PDGFC: variants seen among roughly 807,000 people sequenced by gnomAD.
PDGFC encodes the protein platelet-derived growth factor C.
PDGFC carries 12 observed loss-of-function variants against 35.5 expected under a neutral mutation model. The observed-to-expected ratio is 0.34, with a 90% CI of 0.22 to 0.55. The LOEUF (loss-of-function observed/expected upper bound fraction) is 0.55, where lower values mean the gene tolerates loss of function less well. PDGFC is among the 20% of genes least tolerant of loss of function. The probability of loss-of-function intolerance (pLI) is 0.91; values close to 1 mark genes in which losing one functional copy is unlikely to be tolerated. For synonymous variants in PDGFC, 159 were observed against 148.8 expected, an observed-to-expected ratio of 1.07 and a Z score of -0.50; for missense variants, 322 against 412.4, an observed-to-expected ratio of 0.78 and a Z score of 1.90.
At chr4:156,823,242 G>C (rs1180270076) in intron 2 of PDGFC, among the ~76,000 whole-genome samples, 1 of 151,978 alleles carries the variant, frequency 6.6e-6, no homozygotes, top group Non-Finnish European at 1.5e-5. Flanking sequence ...CTGTCTCTGA[G>C]TTTAAAAATA....
At chr4:156,939,779 T>G (rs1277613633) in intron 1 of PDGFC, among the ~76,000 whole-genome samples, 1 of 152,114 alleles carries the variant, frequency 6.6e-6, no homozygotes, top group East Asian at 1.9e-4. Context: ...CCTTAAATAT[T>G]ACCCAGATAA....
At chr4:156,809,065 T>A (rs1213959495) in intron 3 of PDGFC, among the ~76,000 whole-genome samples, 3 of 152,006 alleles carry the variant, frequency 2.0e-5, no homozygotes. Context: ...CATAGTTTAA[T>A]TACAAGAACT....
At chr4:156,871,139 C>T (rs1729973013) in intron 1 of PDGFC, among the ~76,000 whole-genome samples, 1 of 152,030 alleles carries the variant, frequency 6.6e-6, no homozygotes, top group Non-Finnish European at 1.5e-5. Flanking sequence ...TTTATAGGAG[C>T]AGCTGCAACT....
chr4:156,876,058 G>C (rs555465745), intron 1 of PDGFC, among the ~76,000 whole-genome samples: 1 of 152,256 alleles, frequency 6.6e-6, no homozygotes, highest in East Asian at 1.9e-4. Context: ...AAGAAAACAT[G>C]AGTTGGAACA....
At chr4:156,953,648 A>C (rs540714275) in intron 1 of PDGFC, among the ~76,000 whole-genome samples, 1 of 152,148 alleles carries the variant, frequency 6.6e-6, no homozygotes, top group East Asian at 1.9e-4. Context: ...TAATACTTTC[A>C]AAGTTTCTAT....
intron 1 of PDGFC, among the ~76,000 whole-genome samples, chr4:156,962,760 C>T (rs1732372060): frequency 1.3e-5 from 2 of 152,088 alleles, no homozygotes; most frequent in African/African-American, 4.8e-5. Context: ...GCCAGTGAAG[C>T]CCTGGTGTTT....
At chr4:156,923,724 ACT>A (rs1459901909) in intron 1 of PDGFC, among the ~76,000 whole-genome samples, 19 of 152,316 alleles carry the variant, frequency 1.2e-4, no homozygotes, top group African/African-American at 4.6e-4. Flanking sequence ...CAACAGGTAA[ACT>A]CACACACCAA....
chr4:156,814,977 G>T (rs558550500), intron 2 of PDGFC, among the ~76,000 whole-genome samples: 2 of 152,142 alleles, frequency 1.3e-5, no homozygotes, highest in Admixed American at 6.5e-5. Flanking sequence ...AAAATTTCTG[G>T]ATTTGCAGCG....
chr4:156,768,442 C>A (rs1031016421), intron 4 of PDGFC, among the ~76,000 whole-genome samples: 7 of 151,778 alleles, frequency 4.6e-5, no homozygotes, highest in Non-Finnish European at 8.8e-5. Context: ...TAGTGAAGAA[C>A]AATTTATTGA....
At chr4:156,946,135 G>T (rs1731941581) in intron 1 of PDGFC, among the ~76,000 whole-genome samples, 1 of 151,970 alleles carries the variant, frequency 6.6e-6, no homozygotes, top group Non-Finnish European at 1.5e-5. Flanking sequence ...AGACAGAACT[G>T]TGAATCCTAC....
At chr4:156,781,887 A>G (rs1730989997) in intron 3 of PDGFC, among the ~76,000 whole-genome samples, 2 of 152,178 alleles carry the variant, frequency 1.3e-5, no homozygotes, top group Admixed American at 6.6e-5. Flanking sequence ...AGGGATTATC[A>G]TACACATTTT....
At chr4:156,923,710 G>A (rs1731341129) in intron 1 of PDGFC, among the ~76,000 whole-genome samples, 1 of 152,092 alleles carries the variant, frequency 6.6e-6, no homozygotes, top group African/African-American at 2.4e-5. Context: ...ACTGGATGAT[G>A]ATGCAACAGG....
At chr4:156,852,036 T>C (rs1313566060) in intron 1 of PDGFC, among the ~76,000 whole-genome samples, 1 of 151,946 alleles carries the variant, frequency 6.6e-6, no homozygotes, top group African/African-American at 2.4e-5. Context: ...ATATCCCTTA[T>C]TGAATTTCTA....
At chr4:156,809,540 C>T (rs1228929299) in intron 3 of PDGFC, among the ~76,000 whole-genome samples, 1 of 151,934 alleles carries the variant, frequency 6.6e-6, no homozygotes, top group Non-Finnish European at 1.5e-5. Flanking sequence ...TATTGAGAGA[C>T]TATTATGTGC....
intron 2 of PDGFC, among the ~76,000 whole-genome samples, chr4:156,813,156 CATT>C (rs1179718623): frequency 6.6e-6 from 1 of 152,022 alleles, no homozygotes; most frequent in Non-Finnish European, 1.5e-5. Context: ...TGATAATCAT[CATT>C]TTTATCGAAT....
chr4:156,772,665 TA>T lies in PDGFC; in HGVS notation c.703+20del. On this transcript the variant is annotated intron_variant, in intron 4 of 5. Coordinates refer to ENST00000502773, the MANE Select transcript of PDGFC (RefSeq NM_016205.3). ...CTGTTAAGAAAATTAAATGAGGTTCTAATCTGAAGAGGGAGCTTACCTCTGG... is the reference window on the plus strand; with the variant it reads ...CTGTTAAGAAAATTAAATGAGGTTCTATCTGAAGAGGGAGCTTACCTCTGG... The T allele has an allele frequency of 6.5e-7, 1 of 1,537,852 alleles. No homozygotes were observed. Among genetic ancestry groups the T allele is most frequent in the Non-Finnish European group, 9.0e-7 (1 of 1,113,390 alleles).
chr4:156,767,627 AC>A (rs1489301068), intron 5 of PDGFC, 145 bp downstream of exon 5: 17 of 606,902 alleles, frequency 2.8e-5, no homozygotes, highest in Non-Finnish European at 4.9e-5. Context: ...ATTTTAAAAA[AC>A]AAAAACATAA....
chr4:156,900,097 T>C (rs573585192), intron 1 of PDGFC, among the ~76,000 whole-genome samples: 9 of 152,294 alleles, frequency 5.9e-5, no homozygotes, highest in African/African-American at 1.9e-4. Flanking sequence ...AAACTTAAAG[T>C]CTCATCCTCC....
At chr4:156,792,669 G>C (rs1245325946) in intron 3 of PDGFC, among the ~76,000 whole-genome samples, 1 of 152,180 alleles carries the variant, frequency 6.6e-6, no homozygotes, top group African/African-American at 2.4e-5. Context: ...ATTCCACGTA[G>C]TGTGCATAGT....
Sources: allele counts gnomAD v4.1 joint callset (sites outside exome capture counted in the v4.1 genomes callset), GRCh38; gene constraint gnomAD v4.1.1; transcripts MANE v1.5; gene names NCBI Gene and HGNC (gene_info 2026-07-23, HGNC 2026-07-21).